Variants in SCAMP4 observed in about 807,000 individuals in gnomAD.
SCAMP4 encodes the protein secretory carrier-associated membrane protein 4.
A neutral mutation model predicts 32.1 loss-of-function variants in SCAMP4; 19 were observed. The ratio of observed to expected loss-of-function variants is 0.59; its 90% CI spans 0.41 to 0.87. The LOEUF (loss-of-function observed/expected upper bound fraction) is 0.87, where lower values mean the gene tolerates loss of function less well. SCAMP4 is among the 40% of genes least tolerant of loss of function. SCAMP4 has a pLI of 0.00. For synonymous variants in SCAMP4, 152 were observed against 132.7 expected (o/e 1.15, Z -1.00); for missense variants, 302 against 309.0 (o/e 0.98, Z 0.17).
In SCAMP4 at chr19:1,917,710, C is replaced by T. The variant is rs760562136; in HGVS notation, c.24C>T (p.Phe8=). MSEKENN[F]PPLPKFIPVK... is the part of the protein sequence containing the mutation. The stretch of plus-strand genomic sequence containing the variant: ...TCCCTACAGAAAAGGAGAACAACTT[C>T]CCGCCACTGCCCAAGTTCATCCCTG... The change falls in exon 3 of 7, where the codon TTC becomes TTT. Residue 8 remains phenylalanine (F), a synonymous_variant. Coordinates refer to ENST00000316097, the MANE Select transcript of SCAMP4 (RefSeq NM_079834.4). 1 of 1,614,032 alleles carries T rather than the reference C, an allele frequency of 6.2e-7. No homozygotes were observed. The highest frequency in any genetic ancestry group is 8.5e-7 in the Non-Finnish European group (1 of 1,179,892).
At chr19:1,921,628 C>T in intron 5 of SCAMP4, 1 of 985,426 alleles carries the variant, frequency 1.0e-6, no homozygotes, top group Non-Finnish European at 1.2e-6. Flanking sequence ...TCCTCAAATG[C>T]CTTTGCCGCT....
intron 1 of SCAMP4, chr19:1,905,656 C>T (rs184531534): frequency 6.3e-6 from 1 of 158,344 alleles, no homozygotes; most frequent in African/African-American, 2.4e-5. Flanking sequence ...GCGGCGCTGG[C>T]CTGGGGGAAG....
At chr19:1,919,321 C>G in intron 5 of SCAMP4, 1 of 1,188,444 alleles carries the variant, frequency 8.4e-7, no homozygotes, top group Non-Finnish European at 1.1e-6. Flanking sequence ...GAGCCAGTTC[C>G]TGGCTGCTGA....
intron 1 of SCAMP4, chr19:1,913,016 C>G (rs778571301): frequency 6.2e-7 from 1 of 1,606,312 alleles, no homozygotes; most frequent in African/African-American, 1.3e-5. Flanking sequence ...TGCGCGTCTT[C>G]TACGGTGCGC....
intron 2 of SCAMP4, among the ~76,000 whole-genome samples, chr19:1,917,420 C>G (rs990189028): frequency 1.3e-5 from 2 of 152,230 alleles, no homozygotes; most frequent in Non-Finnish European, 2.9e-5. Context: ...TGCCCAGCGT[C>G]TAGAGGCGCC....
At chr19:1,916,557 C>T (rs576876867) in intron 2 of SCAMP4, among the ~76,000 whole-genome samples, 7 of 152,136 alleles carry the variant, frequency 4.6e-5, no homozygotes, top group African/African-American at 1.7e-4. Flanking sequence ...TTCCTGGGTT[C>T]AAGCGATCCT....
chr19:1,910,117 G>C (rs944270069), intron 1 of SCAMP4, among the ~76,000 whole-genome samples: 1 of 152,196 alleles, frequency 6.6e-6, no homozygotes, highest in East Asian at 1.9e-4. Flanking sequence ...ACACCCGCCA[G>C]CTCCCGGTTC....
chr19:1,905,464 G>C (rs2013050260), intron 1 of SCAMP4, 25 bp downstream of exon 1: 1 of 455,892 alleles, frequency 2.2e-6, no homozygotes, highest in African/African-American at 2.1e-5. Flanking sequence ...CCGAGGTCTC[G>C]GGTTCTCCAG....
At chr19:1,917,849 G>T in intron 3 of SCAMP4, 27 bp downstream of exon 3, 2 of 1,612,276 alleles carry the variant, frequency 1.2e-6, no homozygotes, top group Non-Finnish European at 1.7e-6. Flanking sequence ...GCAGGAGGCG[G>T]GAAGCGGGAG....
At chr19:1,922,870 G>C (rs1295982835) in intron 5 of SCAMP4, 200 bp from the exon 6 acceptor site, 1 of 1,310,702 alleles carries the variant, frequency 7.6e-7, no homozygotes, top group Non-Finnish European at 9.7e-7. Context: ...GATGGTGGAG[G>C]GATAAGGTCG....
intron 1 of SCAMP4, chr19:1,913,377 T>C: frequency 4.6e-6 from 3 of 650,492 alleles, no homozygotes; most frequent in Non-Finnish European, 7.9e-6. Flanking sequence ...CCGCCCTTGC[T>C]GCGTTTGTGT....
At chr19:1,913,369 G>A in intron 1 of SCAMP4, 1 of 682,782 alleles carries the variant, frequency 1.5e-6, no homozygotes, top group Non-Finnish European at 2.4e-6. Flanking sequence ...TTCTGCGGCC[G>A]CCCTTGCTGC....
intron 5 of SCAMP4, 65 bp from the exon 6 acceptor site, chr19:1,923,005 G>A: frequency 1.4e-6 from 2 of 1,464,196 alleles, no homozygotes; most frequent in Non-Finnish European, 1.8e-6. Flanking sequence ...GAGGACCATG[G>A]GCCGGACCAT....
At chr19:1,917,330 C>G (rs2013765382) in intron 2 of SCAMP4, among the ~76,000 whole-genome samples, 1 of 152,150 alleles carries the variant, frequency 6.6e-6, no homozygotes, top group South Asian at 2.1e-4. Context: ...AAACTTAGTT[C>G]CTTAAAACAG....
chr19:1,922,267 T>A, intron 5 of SCAMP4: 1 of 985,294 alleles, frequency 1.0e-6, no homozygotes, highest in Non-Finnish European at 1.2e-6. Flanking sequence ...TTTCCCTCGT[T>A]TTTTTATTTT....
intron 5 of SCAMP4, chr19:1,921,061 C>T (rs1430761482): frequency 3.0e-6 from 3 of 985,436 alleles, no homozygotes; most frequent in Non-Finnish European, 3.6e-6. Context: ...GCCCGGCCCC[C>T]CTTGTAATGA....
In SCAMP4 at chr19:1,908,639, G is replaced by A. The variant is rs76262447; in HGVS notation, c.-42+3200G>A. On this transcript the variant is annotated intron_variant, in intron 1 of 6. Coordinates refer to ENST00000316097, the MANE Select transcript of SCAMP4 (RefSeq NM_079834.4). This position sits in a 1 kb window ranked among gnomAD's most constrained non-coding sequence, Gnocchi z 4.2. ...AGAAATAACTGTGAGCACACAGGTA[G>A]TAAGGTTTTTAGGATTTTATTATTA... 892 of 461,286 alleles carry A rather than the reference G, an allele frequency of 1.9e-3. 8 individuals are homozygous for A. The highest frequency in any genetic ancestry group is 0.017 in the African/African-American group (826 of 49,692). 28.6% of individuals were successfully genotyped at this position (461,286 alleles called of 1,614,324 possible). A position where few individuals can be genotyped will look rare whatever the true frequency, so the allele number is the denominator to read the frequency against.
chr19:1,920,543 A>C, intron 5 of SCAMP4: 1 of 950,618 alleles, frequency 1.1e-6, no homozygotes, highest in Non-Finnish European at 1.3e-6. Flanking sequence ...TGCCACCCCA[A>C]GAGCCTGAGT....
intron 1 of SCAMP4, chr19:1,912,220 T>A (rs1248994100): frequency 1.4e-5 from 23 of 1,594,560 alleles, no homozygotes; most frequent in Non-Finnish European, 2.0e-5. Context: ...GACGTGGAGC[T>A]GGTGCTGGCC....
Sources: allele counts gnomAD v4.1 joint callset (sites outside exome capture counted in the v4.1 genomes callset), GRCh38; gene constraint gnomAD v4.1.1; non-coding constraint Gnocchi (gnomAD v3.1); transcripts MANE v1.5; gene names NCBI Gene and HGNC (gene_info 2026-07-23, HGNC 2026-07-21).